WDR49: variants seen among roughly 807,000 people sequenced by gnomAD.
WDR49 encodes the protein cilia- and flagella-associated protein 337.
WDR49 carries 107 observed loss-of-function variants against 119.5 expected under a neutral mutation model. The ratio of observed to expected loss-of-function variants is 0.90; its 90% CI spans 0.77 to 1.05. The LOEUF (loss-of-function observed/expected upper bound fraction) is 1.05. WDR49 is among the 50% of genes least tolerant of loss of function. The probability of loss-of-function intolerance (pLI) is 0.00; values close to 1 mark genes in which losing one functional copy is unlikely to be tolerated. For synonymous variants in WDR49, 425 were observed against 418.8 expected (o/e 1.01, Z -0.18); for missense variants, 1,240 against 1,220.5 (o/e 1.02, Z -0.24).
chr3:167,563,353 CAAAA>C (rs61247447), intron 8 of WDR49, among the ~76,000 whole-genome samples: 2 of 55,852 alleles, frequency 3.6e-5, no homozygotes, highest in East Asian at 6.1e-4. Context: ...GATTCTGAAT[CAAAA>C]AAAAAAAAAA....
chr3:167,620,712 T>C, intron 4 of WDR49, 109 bp from the exon 5 acceptor site: 1 of 1,079,480 alleles, frequency 9.3e-7, no homozygotes, highest in Non-Finnish European at 1.3e-6. Context: ...AATAAGAATT[T>C]CTTCAATATT....
At chr3:167,510,241 G>T (rs1430139629) in intron 16 of WDR49, among the ~76,000 whole-genome samples, 1 of 152,040 alleles carries the variant, frequency 6.6e-6, no homozygotes. Flanking sequence ...AAATGAGCTG[G>T]GCATGGTGGC....
At chr3:167,614,258 C>T (rs2108316193) in intron 5 of WDR49, among the ~76,000 whole-genome samples, 1 of 152,198 alleles carries the variant, frequency 6.6e-6, no homozygotes, top group South Asian at 2.1e-4. Flanking sequence ...CCCACCACCA[C>T]ACCTGGCTAA....
At chr3:167,490,147 C>G (rs546191501) in intron 18 of WDR49, among the ~76,000 whole-genome samples, 8 of 152,042 alleles carry the variant, frequency 5.3e-5, no homozygotes, top group African/African-American at 1.7e-4. Flanking sequence ...AACAAAGCAA[C>G]GGGTTGGTGA....
chr3:167,525,528 T>A (rs1415100077), intron 15 of WDR49, among the ~76,000 whole-genome samples: 3 of 152,038 alleles, frequency 2.0e-5, no homozygotes, highest in Non-Finnish European at 4.4e-5. Flanking sequence ...AGAGACACAA[T>A]CAAAGTCACT....
chr3:167,524,047 C>T (rs1034633145), intron 15 of WDR49, among the ~76,000 whole-genome samples: 1 of 152,188 alleles, frequency 6.6e-6, no homozygotes, highest in Non-Finnish European at 1.5e-5. Context: ...TCCACATCCT[C>T]ACCAGCATCT....
At chr3:167,567,128 G>T (rs114024722) in intron 8 of WDR49, among the ~76,000 whole-genome samples, 3,570 of 152,268 alleles carry the variant, frequency 0.023, 94 homozygotes, top group Admixed American at 0.059. Flanking sequence ...AGTGCCCATA[G>T]TGTAGAAAGG....
chr3:167,573,577 T>G (rs1714066338), intron 8 of WDR49, among the ~76,000 whole-genome samples: 2 of 152,102 alleles, frequency 1.3e-5, no homozygotes, highest in South Asian at 4.2e-4. Flanking sequence ...ATGCAGCCTC[T>G]AGAAAACTCC....
intron 17 of WDR49, among the ~76,000 whole-genome samples, chr3:167,505,094 T>C (rs924176380): frequency 1.3e-5 from 2 of 152,196 alleles, no homozygotes; most frequent in Non-Finnish European, 2.9e-5. Context: ...ACTAAGACCT[T>C]ACACTTTTTC....
rs188850504 is a variant in WDR49, at chr3:167,489,992, C to T, written c.3031+10161G>A. The stretch of plus-strand genomic sequence containing the variant: ...ATCTGGGGTGGGTCCTGAGATGCTG[C>T]ATTTCTAAGGAGCTCCCTGGTGATG... On this transcript the variant is annotated intron_variant, in intron 18 of 18. Coordinates refer to ENST00000682715, the MANE Select transcript of WDR49 (RefSeq NM_001366157.1). Among the ~76,000 whole-genome samples, 404 of 152,174 alleles carry T rather than the reference C, an allele frequency of 2.7e-3. 2 individuals are homozygous for T. The highest frequency in any genetic ancestry group is 7.5e-3 in the Admixed American group (115 of 15,258).
At chr3:167,533,961 G>A (rs527283942) in intron 11 of WDR49, among the ~76,000 whole-genome samples, 3 of 152,090 alleles carry the variant, frequency 2.0e-5, no homozygotes, top group East Asian at 3.9e-4. Context: ...AGGCCGAGGT[G>A]GGCAGATCAG....
At chr3:167,558,677 G>A (rs1412732204) in intron 9 of WDR49, among the ~76,000 whole-genome samples, 1 of 152,170 alleles carries the variant, frequency 6.6e-6, no homozygotes, top group Non-Finnish European at 1.5e-5. Context: ...ATTTCCACAA[G>A]TAGGTATTGC....
intron 7 of WDR49, among the ~76,000 whole-genome samples, chr3:167,587,053 A>C (rs573059133): frequency 1.9e-4 from 29 of 152,298 alleles, no homozygotes; most frequent in Non-Finnish European, 3.2e-4. Context: ...CATTGCCCCT[A>C]ACCTTATGAA....
At chr3:167,646,198 G>A (rs2108344997) in intron 2 of WDR49, among the ~76,000 whole-genome samples, 1 of 152,266 alleles carries the variant, frequency 6.6e-6, no homozygotes, top group East Asian at 1.9e-4. Flanking sequence ...TGTGTGTGTT[G>A]GGAGTTGAGA....
intron 16 of WDR49, among the ~76,000 whole-genome samples, chr3:167,505,622 TG>T (rs1751740935): frequency 6.6e-6 from 1 of 152,088 alleles, no homozygotes; most frequent in South Asian, 2.1e-4. Context: ...TAGAAAAGAG[TG>T]AGAGCCAGAG....
chr3:167,621,271 C>T (rs1716855259), intron 4 of WDR49, among the ~76,000 whole-genome samples, 196 bp downstream of exon 4: 1 of 151,996 alleles, frequency 6.6e-6, no homozygotes, highest in South Asian at 2.1e-4. Context: ...AAACAAACCC[C>T]CACACACAAT....
At chr3:167,485,223 T>C (rs1377148923) in intron 18 of WDR49, among the ~76,000 whole-genome samples, 2 of 151,972 alleles carry the variant, frequency 1.3e-5, no homozygotes, top group African/African-American at 4.8e-5. Flanking sequence ...GGGATAGCAT[T>C]AGGACAAATA....
At chr3:167,531,397 A>G (rs556602007) in intron 12 of WDR49, 118 bp from the exon 13 acceptor site, 57 of 1,076,764 alleles carry the variant, frequency 5.3e-5, no homozygotes, top group African/African-American at 3.7e-4. Flanking sequence ...AAGTCTCACA[A>G]GAGACTTCCA....
At chr3:167,611,709 T>C (rs182752204) in intron 5 of WDR49, among the ~76,000 whole-genome samples, 1 of 152,168 alleles carries the variant, frequency 6.6e-6, no homozygotes, top group Admixed American at 6.5e-5. Context: ...ACAAAATAGA[T>C]TTCGAGACAA....
Sources: allele counts gnomAD v4.1 joint callset (sites outside exome capture counted in the v4.1 genomes callset), GRCh38; gene constraint gnomAD v4.1.1; transcripts MANE v1.5; gene names NCBI Gene and HGNC (gene_info 2026-07-23, HGNC 2026-07-21).